Variants in MPP4 observed in about 807,000 individuals in gnomAD.
MPP4 encodes MAGUK p55 scaffold protein 4.
A neutral mutation model predicts 98.3 loss-of-function variants in MPP4; 91 were observed. That is an observed-to-expected ratio of 0.93 (90% CI 0.78 to 1.10). The LOEUF is 1.10. MPP4 is among the 50% of genes least tolerant of loss of function. The pLI is 0.00. For synonymous variants in MPP4, 261 were observed against 271.8 expected, an observed-to-expected ratio of 0.96 and a Z score of 0.39; for missense variants, 744 against 792.9, an observed-to-expected ratio of 0.94 and a Z score of 0.74.
At position 201,661,485 on chromosome 2, in the gene MPP4, C is replaced by T. The variant is rs371133295; in HGVS notation, c.1073-1139G>A. The T allele has an allele frequency of 2.8e-5, 13 of 456,396 alleles. No individual in the cohort carries two copies. In the Middle Eastern group the frequency reaches 1.6e-3, roughly 57 times the overall value. The allele number at this position is 456,396 out of a possible 1,614,324, so 28.3% of individuals were successfully genotyped here. Reference sequence around the variant, plus strand: ...TCAGAGAGCTGGGTTCAGAACGTATCGATGCTTGAGAGTTCTCACTTTTCC... The same window carrying T: ...TCAGAGAGCTGGGTTCAGAACGTATTGATGCTTGAGAGTTCTCACTTTTCC... On this transcript the variant is annotated intron_variant, in intron 14 of 21. Coordinates refer to ENST00000409474, the MANE Select transcript of MPP4 (RefSeq NM_033066.3).
At chr2:201,649,083 GACAC>G (rs1035478879) in intron 20 of MPP4, among the ~76,000 whole-genome samples, 11 of 150,904 alleles carry the variant, frequency 7.3e-5, no homozygotes, top group African/African-American at 2.7e-4. Context: ...AACAAACACA[GACAC>G]ACACACAGAC....
intron 10 of MPP4, among the ~76,000 whole-genome samples, chr2:201,678,429 GC>G (rs1688576027): frequency 6.6e-6 from 1 of 152,130 alleles, no homozygotes; most frequent in South Asian, 2.1e-4. Context: ...TCTTCTTTGA[GC>G]CCTTTCTTCT....
At chr2:201,664,763 A>G (rs548836218) in intron 13 of MPP4, among the ~76,000 whole-genome samples, 1 of 152,362 alleles carries the variant, frequency 6.6e-6, no homozygotes, top group African/African-American at 2.4e-5. Context: ...TCATGCATGT[A>G]AAATGATATA....
At chr2:201,677,812 G>C (rs1337770454) in intron 10 of MPP4, among the ~76,000 whole-genome samples, 1 of 152,204 alleles carries the variant, frequency 6.6e-6, no homozygotes, top group East Asian at 1.9e-4. Context: ...GGTAGGAAGA[G>C]AGAAAAATTG....
chr2:201,675,222 G>T lies in MPP4; in HGVS notation c.979C>A (p.Leu327Ile). 1 of 1,609,206 alleles carries T rather than the reference G, an allele frequency of 6.2e-7. No individual in the cohort carries two copies. The highest frequency in any genetic ancestry group is 8.5e-7 in the Non-Finnish European group (1 of 1,177,994). Residue 327 changes from leucine to isoleucine, a missense_variant, in exon 11 of 22, where the codon CTC (leucine) becomes ATC (isoleucine). Leu to Ile is a conservative substitution (Grantham distance 5, BLOSUM62 2). Transcript: ENST00000409474. ...CAATACTCACATAGGGTTGACTTGA[G>T]GCAGGTGTGAGGCTGGTACGGCTGA... The part of the protein sequence containing the change: ...WSQPYQPHTC[L>I]KSTLSISMEE...
intron 21 of MPP4, 75 bp downstream of exon 21, chr2:201,647,616 T>TG (rs1687599647): frequency 1.3e-6 from 2 of 1,518,726 alleles, no homozygotes; most frequent in African/African-American, 2.7e-5. Context: ...CAGAGATCCT[T>TG]GGCCCAGCCC....
intron 13 of MPP4, among the ~76,000 whole-genome samples, chr2:201,664,493 T>C (rs770251157): frequency 2.6e-5 from 4 of 151,728 alleles, no homozygotes; most frequent in Non-Finnish European, 5.9e-5. Context: ...GGGTGCACCC[T>C]GCCTGAAGAG....
At chr2:201,651,880 G>C (rs1687722705) in intron 18 of MPP4, 1 of 405,440 alleles carries the variant, frequency 2.5e-6, no homozygotes, top group Admixed American at 6.4e-5. Flanking sequence ...CTTGAACCCA[G>C]GAGGTGAGGT....
intron 18 of MPP4, among the ~76,000 whole-genome samples, chr2:201,653,581 T>C (rs900583669): frequency 2.0e-5 from 3 of 152,224 alleles, no homozygotes; most frequent in Admixed American, 1.3e-4. Flanking sequence ...TAACTTTCTT[T>C]TACACATATT....
chr2:201,659,289 G>A (rs917941249), intron 15 of MPP4, among the ~76,000 whole-genome samples: 2 of 151,976 alleles, frequency 1.3e-5, no homozygotes, highest in Admixed American at 6.6e-5. Context: ...TCTTAAAAGG[G>A]TTCATTCTAT....
At chr2:201,661,088 T>G (rs996733860) in intron 14 of MPP4, among the ~76,000 whole-genome samples, 1 of 152,056 alleles carries the variant, frequency 6.6e-6, no homozygotes, top group Admixed American at 6.6e-5. Flanking sequence ...GCCTGGCTAA[T>G]TTTTGTATTT....
intron 13 of MPP4, 113 bp from the exon 14 acceptor site, chr2:201,664,214 T>G: frequency 6.7e-7 from 1 of 1,497,942 alleles, no homozygotes; most frequent in Non-Finnish European, 9.0e-7. Flanking sequence ...ACACCACCTT[T>G]GTAAAGTTTT....
In MPP4 at chr2:201,693,895, T is replaced by C. The variant is rs778140211; in HGVS notation, c.60A>G (p.Thr20=). The C allele has an allele frequency of 1.2e-6, 2 of 1,613,980 alleles. No homozygotes were observed. The highest frequency in any genetic ancestry group is 8.5e-7 in the Non-Finnish European group (1 of 1,179,848). The change falls in exon 2 of 22, where the codon ACA becomes ACG. Residue 20 remains threonine, a synonymous_variant. Transcript: ENST00000409474. ...ACATACCATTCTGTGGATTGGTGGC[T>C]GTAGAAAGCTTCATGTCCTTCTTGT... ...PPDKKDMKLS[T]ATNPQNGLSQ... is the part of the protein sequence containing the mutation.
At chr2:201,656,923 T>C (rs573322862) in intron 16 of MPP4, among the ~76,000 whole-genome samples, 1 of 152,288 alleles carries the variant, frequency 6.6e-6, no homozygotes, top group East Asian at 1.9e-4. Flanking sequence ...GAAGCCTGTA[T>C]AGCTGCAGGG....
rs1461002383 is a variant in MPP4 at position 201,656,241 on chromosome 2, G to A, written c.1257C>T (p.Tyr419=). The change falls in exon 17 of 22, where the codon TAC becomes TAT. Residue 419 remains tyrosine, a synonymous_variant. Coordinates refer to ENST00000409474, the MANE Select transcript of MPP4 (RefSeq NM_033066.3). Reference sequence around the variant, plus strand: ...GGTACTTGTCTGAAGGGCGTCGCTGGTACCTCACCACCTCCTCGTAAGGGG... The same window carrying A: ...GGTACTTGTCTGAAGGGCGTCGCTGATACCTCACCACCTCCTCGTAAGGGG... ...VGAPYEEVVR[Y]QRRPSDKYRL... 3 of 1,604,460 alleles carry A rather than the reference G, an allele frequency of 1.9e-6. No homozygotes were observed. The highest frequency in any genetic ancestry group is 2.7e-5 in the African/African-American group (2 of 74,786).
chr2:201,697,839 G>A (rs1689236838), intron 1 of MPP4: 5 of 704,930 alleles, frequency 7.1e-6, no homozygotes, highest in Non-Finnish European at 8.7e-6. Flanking sequence ...GTATTCAGTA[G>A]AGTTAACATG....
At position 201,690,172 on chromosome 2, in the gene MPP4, C is replaced by G. The variant is rs372424878; in HGVS notation, c.279+30G>C. 3.3e-6 allele frequency: 5 copies of G among 1,509,770 alleles called. No homozygotes were observed. In the African/African-American group the frequency reaches 6.9e-5, roughly 21 times the overall value. The allele number at this position is 1,509,770 out of a possible 1,614,324, so 93.5% of individuals were successfully genotyped here. A position where few individuals can be genotyped will look rare whatever the true frequency, so the allele number is the denominator to read the frequency against. ...GGGAAAATGGCACCACATCAGAGCT[C>G]TACTATCCTGTGGAATAAAATCTCC... On this transcript the variant is annotated intron_variant, in intron 4 of 21. Transcript: ENST00000409474.
intron 5 of MPP4, 111 bp from the exon 6 acceptor site, chr2:201,686,161 CAG>C: frequency 8.0e-7 from 1 of 1,250,180 alleles, no homozygotes; most frequent in African/African-American, 1.5e-5. Flanking sequence ...AACACCAATA[CAG>C]ACATGCCAGA....
rs188931236 is a variant in MPP4 at position 201,645,874 on chromosome 2, A to G, written c.1720-470T>C. 6.6e-5 allele frequency among the ~76,000 whole-genome samples: 10 copies of G among 152,328 alleles called. No homozygotes were observed. In the East Asian group the frequency reaches 1.9e-3, roughly 29 times the overall value. On this transcript the variant is annotated intron_variant, in intron 21 of 21. Coordinates refer to ENST00000409474, the MANE Select transcript of MPP4 (RefSeq NM_033066.3). ...GGTATAAACATATCCTTCTAAATTA[A>G]TGTGAAGCATAAGCAAAGCTGGGAA...
Sources: allele counts gnomAD v4.1 joint callset (sites outside exome capture counted in the v4.1 genomes callset), GRCh38; gene constraint gnomAD v4.1.1; transcripts MANE v1.5; gene names NCBI Gene and HGNC (gene_info 2026-07-23, HGNC 2026-07-21).